ACTR3C: variants seen among roughly 807,000 people sequenced by gnomAD.
The protein encoded by ACTR3C is actin-related protein 3C.
ACTR3C carries 18 observed loss-of-function variants against 26.3 expected under a neutral mutation model. That is an observed-to-expected ratio of 0.68 (90% CI 0.47 to 1.01). The LOEUF (loss-of-function observed/expected upper bound fraction) is 1.01, where lower values mean the gene tolerates loss of function less well. Among genes scored for constraint, ACTR3C ranks in the 50% least tolerant of loss-of-function variants. The pLI is 0.00. For synonymous variants in ACTR3C, 55 were observed against 94.5 expected, an observed-to-expected ratio of 0.58 and a Z score of 2.42; for missense variants, 184 against 250.7, an observed-to-expected ratio of 0.73 and a Z score of 1.80.
At chr7:150,130,224 A>C in the ACTR3C span, among the ~76,000 whole-genome samples, 1 of 152,332 alleles carries the variant, frequency 6.6e-6, no homozygotes, top group Admixed American at 6.5e-5. Flanking sequence ...AAATTTCTAG[A>C]AACAAACAAA....
At chr7:150,039,781 G>T in the ACTR3C span, among the ~76,000 whole-genome samples, 2 of 137,218 alleles carry the variant, frequency 1.5e-5, no homozygotes, top group Non-Finnish European at 3.3e-5. Context: ...AGAGCCAGGG[G>T]GGGAAGAGGG....
At chr7:150,287,160 A>G (rs1202021956) in intron 4 of ACTR3C, among the ~76,000 whole-genome samples, 3 of 151,418 alleles carry the variant, frequency 2.0e-5, no homozygotes, top group Non-Finnish European at 2.9e-5. Flanking sequence ...AAGTCCCTCA[A>G]TCAACATAGA....
the ACTR3C span, among the ~76,000 whole-genome samples, chr7:150,006,553 G>A: frequency 2.7e-5 from 4 of 149,758 alleles, no homozygotes; most frequent in Non-Finnish European, 5.9e-5. Flanking sequence ...GGCTAATATG[G>A]AAAAAGCTTA....
At chr7:150,122,071 A>T in the ACTR3C span, among the ~76,000 whole-genome samples, 3 of 152,294 alleles carry the variant, frequency 2.0e-5, no homozygotes, top group East Asian at 5.8e-4. Context: ...CTCATACAAA[A>T]ATTAACTTAA....
chr7:150,147,354 A>G, the ACTR3C span, among the ~76,000 whole-genome samples: 1 of 152,216 alleles, frequency 6.6e-6, no homozygotes, highest in African/African-American at 2.4e-5. Context: ...GAAGAAAAAA[A>G]GAGGCCAAAA....
chr7:150,046,894 T>C, the ACTR3C span, among the ~76,000 whole-genome samples: 2 of 151,330 alleles, frequency 1.3e-5, no homozygotes, highest in Non-Finnish European at 2.9e-5. Context: ...GGAGAAGTTT[T>C]CACTGAACAC....
At chr7:150,278,944 T>G (rs768637692) in intron 6 of ACTR3C, among the ~76,000 whole-genome samples, 14 of 152,208 alleles carry the variant, frequency 9.2e-5, no homozygotes, top group African/African-American at 1.4e-4. Context: ...AAACCAATGA[T>G]ATGTATTTTT....
the ACTR3C span, among the ~76,000 whole-genome samples, chr7:150,048,738 G>C: frequency 5.9e-4 from 90 of 152,108 alleles, no homozygotes; most frequent in African/African-American, 2.1e-3. Flanking sequence ...CCGAGGACCT[G>C]GGGTGCAAAT....
the ACTR3C span, among the ~76,000 whole-genome samples, chr7:150,022,481 T>C: frequency 9.9e-5 from 15 of 151,770 alleles, no homozygotes; most frequent in African/African-American, 2.7e-4. Context: ...GAAAGGCATA[T>C]ACCAATCATA....
At chr7:149,950,344 C>T in the ACTR3C span, among the ~76,000 whole-genome samples, 3 of 146,090 alleles carry the variant, frequency 2.1e-5, no homozygotes, top group African/African-American at 2.8e-5. Flanking sequence ...CCAGCTGCTG[C>T]GAGACGGGGG....
At chr7:150,145,249 T>C in the ACTR3C span, among the ~76,000 whole-genome samples, 1 of 151,992 alleles carries the variant, frequency 6.6e-6, no homozygotes, top group Admixed American at 6.6e-5. Context: ...GTTGGGAATA[T>C]TTAGCTAGTG....
chr7:150,034,130 T>C, the ACTR3C span, among the ~76,000 whole-genome samples: 2 of 151,804 alleles, frequency 1.3e-5, no homozygotes, highest in Admixed American at 6.6e-5. Context: ...AGGGGATGGA[T>C]CTCAGCCATC....
chr7:150,215,372 C>A, the ACTR3C span, among the ~76,000 whole-genome samples: 1 of 152,018 alleles, frequency 6.6e-6, no homozygotes, highest in African/African-American at 2.4e-5. Flanking sequence ...GAAAATGGTG[C>A]CAAATGATGA....
chr7:150,077,798 C>T, the ACTR3C span, among the ~76,000 whole-genome samples: 1 of 152,220 alleles, frequency 6.6e-6, no homozygotes, highest in African/African-American at 2.4e-5. Context: ...ACCTCTGTCT[C>T]ATCCTAGTGC....
intron 1 of ACTR3C, among the ~76,000 whole-genome samples, chr7:150,299,744 C>T (rs1795276767): frequency 6.6e-6 from 1 of 152,020 alleles, no homozygotes; most frequent in African/African-American, 2.4e-5. Context: ...TGAGGTGGTG[C>T]CACTGTACTC....
the ACTR3C span, among the ~76,000 whole-genome samples, chr7:149,885,009 GTTTT>G: frequency 6.6e-6 from 1 of 152,040 alleles, no homozygotes; most frequent in Non-Finnish European, 1.5e-5. Context: ...AATTCTTTGG[GTTTT>G]TTTGTGGGGG....
chr7:150,035,710 C>T, the ACTR3C span, among the ~76,000 whole-genome samples: 31 of 138,334 alleles, frequency 2.2e-4, 2 homozygotes, highest in East Asian at 1.1e-3. Context: ...GGTCCTAAGC[C>T]AGGGGGTGAA....
At chr7:150,107,927 A>T in the ACTR3C span, among the ~76,000 whole-genome samples, 23,108 of 151,940 alleles carry the variant, frequency 0.15, 2,159 homozygotes, top group African/African-American at 0.23. Flanking sequence ...CAAGTACCCC[A>T]TTTGGTCGTA....
chr7:149,930,572 T>C, the ACTR3C span, among the ~76,000 whole-genome samples: 1 of 152,168 alleles, frequency 6.6e-6, no homozygotes, highest in African/African-American at 2.4e-5. Context: ...ATACCACGCC[T>C]GGTCCCTCTG....
Sources: gnomAD v4.1 joint callset for allele counts (sites outside exome capture counted in the v4.1 genomes callset) on GRCh38, gnomAD v4.1.1 for gene constraint, MANE v1.5 for transcripts, NCBI Gene and HGNC (gene_info 2026-07-23, HGNC 2026-07-21) for gene names.